Variants in GMCL1 observed in about 807,000 individuals in gnomAD.
GMCL1 encodes germ cell-less 1, spermatogenesis associated.
GMCL1 carries 54 observed loss-of-function variants against 75.5 expected under a neutral mutation model. That is an observed-to-expected ratio of 0.71 (90% CI 0.57 to 0.90). GMCL1 has a LOEUF of 0.90. Among genes scored for constraint, GMCL1 ranks in the 40% least tolerant of loss-of-function variants. The probability of loss-of-function intolerance (pLI) is 0.00; values close to 1 mark genes in which losing one functional copy is unlikely to be tolerated. For missense variants in GMCL1, 537 were observed against 622.7 expected (o/e 0.86, Z 1.47); for synonymous variants, 210 against 209.6 (o/e 1.00, Z -0.02).
intron 2 of GMCL1, among the ~76,000 whole-genome samples, chr2:69,837,952 G>C (rs558465678): frequency 2.0e-5 from 3 of 152,154 alleles, no homozygotes; most frequent in African/African-American, 7.2e-5. Flanking sequence ...AAGGGGAAAA[G>C]TTGGGGAAAA....
intron 6 of GMCL1, among the ~76,000 whole-genome samples, chr2:69,847,230 G>T (rs958940717): frequency 2.0e-5 from 3 of 152,038 alleles, no homozygotes; most frequent in Non-Finnish European, 4.4e-5. Context: ...TATCTTACCG[G>T]AACCTTGCTT....
intron 8 of GMCL1, among the ~76,000 whole-genome samples, chr2:69,851,290 TAGC>T (rs1675312282): frequency 6.6e-6 from 1 of 151,864 alleles, no homozygotes; most frequent in African/African-American, 2.4e-5. Context: ...TTTAAAGAAT[TAGC>T]AGGGCAGCCT....
At chr2:69,856,640 CTTTTTTTTTT>C (rs34707640) in intron 9 of GMCL1, among the ~76,000 whole-genome samples, 2 of 89,794 alleles carry the variant, frequency 2.2e-5, no homozygotes, top group South Asian at 5.3e-4. Context: ...CTCTTCCCTC[CTTTTTTTTTT>C]TTTTTTTTTT....
At chr2:69,841,834 A>C (rs1674995875) in intron 4 of GMCL1, among the ~76,000 whole-genome samples, 1 of 152,092 alleles carries the variant, frequency 6.6e-6, no homozygotes, top group Non-Finnish European at 1.5e-5. Flanking sequence ...CATTTCAGAC[A>C]GAGAGAACAG....
At chr2:69,861,929 G>C (rs1242101908) in intron 10 of GMCL1, among the ~76,000 whole-genome samples, 1 of 151,928 alleles carries the variant, frequency 6.6e-6, no homozygotes, top group African/African-American at 2.4e-5. Flanking sequence ...CTAAACCCTG[G>C]AAGTGGAGGT....
chr2:69,830,074 A>C lies in GMCL1; in HGVS notation c.182A>C (p.Tyr61Ser), dbSNP rs144868421. The C allele has an allele frequency of 3.6e-5, 57 of 1,575,214 alleles. No individual in the cohort carries two copies. The highest frequency in any genetic ancestry group is 4.7e-5 in the Non-Finnish European group (54 of 1,159,842). Residue 61 changes from tyrosine (Y) to serine (S), a missense_variant, in exon 1 of 14, where the codon TAC (tyrosine) becomes TCC (serine). Physicochemically the swap from Tyr to Ser is moderately radical, Grantham distance 144. Transcript: ENST00000282570. ...KRKRSSGSFC[Y>S]CHPDSETDED... ...AAGCGGAGCAGCGGGTCCTTCTGCT[A>C]CTGTCACCCTGACTCGGAGACGGAC...
chr2:69,853,851 A>G (rs1280360275), intron 8 of GMCL1, among the ~76,000 whole-genome samples: 1 of 151,992 alleles, frequency 6.6e-6, no homozygotes, highest in Non-Finnish European at 1.5e-5. Flanking sequence ...CACCCAGGCT[A>G]GAGTGCAGTG....
chr2:69,848,252 G>A (rs536276646), intron 7 of GMCL1, among the ~76,000 whole-genome samples: 1 of 152,340 alleles, frequency 6.6e-6, no homozygotes, highest in African/African-American at 2.4e-5. Flanking sequence ...CCGCAAAACA[G>A]TGTTGTGAGT....
intron 8 of GMCL1, among the ~76,000 whole-genome samples, chr2:69,850,051 C>A (rs1675269253): frequency 6.6e-6 from 1 of 152,174 alleles, no homozygotes; most frequent in Admixed American, 6.5e-5. Context: ...ACTAACAGAT[C>A]TTGTTGATTG....
intron 9 of GMCL1, among the ~76,000 whole-genome samples, chr2:69,859,996 A>C (rs541127722): frequency 2.0e-5 from 3 of 151,984 alleles, no homozygotes; most frequent in Admixed American, 6.6e-5. Flanking sequence ...AGCCAATTCT[A>C]TTTGTATTTA....
Position 69,839,446 on chromosome 2 carries a change from TTTTG to T in GMCL1, c.385-7_385-4del, listed in dbSNP as rs1206020759. 5.2e-6 allele frequency: 8 copies of T among 1,534,458 alleles called. No individual in the cohort carries two copies. In the African/African-American group the frequency reaches 8.3e-5, roughly 16 times the overall value. On this transcript the variant is annotated splice_polypyrimidine_tract_variant and splice_region_variant and intron_variant, in intron 2 of 13. Coordinates refer to ENST00000282570, the MANE Select transcript of GMCL1 (RefSeq NM_178439.5). ...GTACTTGATAATCGTTGACTTTTTT[TTTTG>T]TTTAAGTCTGGCTACTTTTCTAGTA... is the stretch of plus-strand genomic sequence containing the variant.
chr2:69,850,842 A>C (rs566710596), intron 8 of GMCL1, among the ~76,000 whole-genome samples: 1 of 152,326 alleles, frequency 6.6e-6, no homozygotes, highest in East Asian at 1.9e-4. Context: ...CCTATGAGCT[A>C]GCAGCAACAC....
chr2:69,830,300 C>G (rs1301625950), intron 1 of GMCL1, 148 bp downstream of exon 1: 6 of 1,100,566 alleles, frequency 5.5e-6, no homozygotes, highest in East Asian at 5.3e-5. Context: ...GGAAGCCGGC[C>G]CGATGCGGGG....
intron 3 of GMCL1, chr2:69,840,230 A>AC (rs1193156513): frequency 6.6e-6 from 1 of 152,100 alleles, no homozygotes; most frequent in Admixed American, 6.5e-5. Flanking sequence ...AACATGGTGA[A>AC]CCCCATCTCT....
intron 2 of GMCL1, among the ~76,000 whole-genome samples, chr2:69,838,706 C>T (rs1674895250): frequency 6.6e-6 from 1 of 152,092 alleles, no homozygotes; most frequent in Non-Finnish European, 1.5e-5. Flanking sequence ...GGGTATGATT[C>T]ATGTTGTTTC....
intron 4 of GMCL1, 85 bp downstream of exon 4, chr2:69,841,124 AG>A (rs1674972853): frequency 1.2e-6 from 1 of 811,878 alleles, no homozygotes; most frequent in Non-Finnish European, 1.8e-6. Context: ...AATAAAGCTT[AG>A]CTTTTTTGGA....
intron 8 of GMCL1, among the ~76,000 whole-genome samples, chr2:69,853,593 G>C (rs1675381064): frequency 6.6e-6 from 1 of 151,978 alleles, no homozygotes; most frequent in Non-Finnish European, 1.5e-5. Flanking sequence ...AACAGGACTG[G>C]GTATACATAC....
At position 69,848,852 on chromosome 2, in the gene GMCL1, A is replaced by C. The variant is rs142790079; in HGVS notation, c.844-800A>C. On this transcript the variant is annotated intron_variant, in intron 7 of 13. Coordinates refer to ENST00000282570, the MANE Select transcript of GMCL1 (RefSeq NM_178439.5). ...AAATTAAGGCCCAGAGATACTAGGTAATGTGCCCGGCTCTTAAGTGCCAGG... is the reference window on the plus strand; with the variant it reads ...AAATTAAGGCCCAGAGATACTAGGTCATGTGCCCGGCTCTTAAGTGCCAGG... Among the ~76,000 whole-genome samples the C allele has an allele frequency of 2.8e-3, 430 of 152,298 alleles. 2 individuals carry two copies. Among genetic ancestry groups the C allele is most frequent in the African/African-American group, 9.9e-3 (411 of 41,572 alleles).
At chr2:69,873,802 G>C (rs1177567684) in intron 13 of GMCL1, 1 of 168,320 alleles carries the variant, frequency 5.9e-6, no homozygotes, top group Non-Finnish European at 1.5e-5. Flanking sequence ...GGGAGAACTT[G>C]TTGGTCGCAT....
Sources: allele counts gnomAD v4.1 joint callset (sites outside exome capture counted in the v4.1 genomes callset), GRCh38; gene constraint gnomAD v4.1.1; transcripts MANE v1.5; gene names NCBI Gene and HGNC (gene_info 2026-07-23, HGNC 2026-07-21).